AKR1C8: variants seen among roughly 807,000 people sequenced by gnomAD.
The protein encoded by AKR1C8 is aldo-keto reductase family 1 member C8, also known as aldo-keto reductase family 1 member C-like protein 1.
At chr10:5,140,277 C>G in the AKR1C8 span, among the ~76,000 whole-genome samples, 6 of 152,258 alleles carry the variant, frequency 3.9e-5, no homozygotes, top group South Asian at 1.2e-3. Flanking sequence ...TACCATTTGA[C>G]CCAGCGATCC....
chr10:5,141,352 T>C, the AKR1C8 span, among the ~76,000 whole-genome samples: 48 of 152,284 alleles, frequency 3.2e-4, no homozygotes, highest in African/African-American at 1.2e-3. Context: ...TTAACCCCCT[T>C]AAAATCATCC....
the AKR1C8 span, among the ~76,000 whole-genome samples, chr10:5,156,609 C>T: frequency 8.3e-4 from 127 of 152,126 alleles, 1 homozygote; most frequent in African/African-American, 3.0e-3. Flanking sequence ...TATCTACCAA[C>T]ACATTTATCC....
the AKR1C8 span, among the ~76,000 whole-genome samples, chr10:5,135,691 C>A: frequency 2.0e-5 from 3 of 152,014 alleles, no homozygotes; most frequent in Non-Finnish European, 2.9e-5. Context: ...TTTGTTCATG[C>A]CGTGATGATG....
the AKR1C8 span, among the ~76,000 whole-genome samples, chr10:5,142,314 T>C: frequency 2.0e-5 from 3 of 152,248 alleles, no homozygotes; most frequent in Middle Eastern, 6.8e-3. Context: ...TTTCTTCTTA[T>C]CAGTAGTAAA....
chr10:5,176,076 G>A, the AKR1C8 span, among the ~76,000 whole-genome samples: 1 of 151,988 alleles, frequency 6.6e-6, no homozygotes, highest in African/African-American at 2.4e-5. Flanking sequence ...GAATGGTAAT[G>A]CCTAGGTTTT....
the AKR1C8 span, among the ~76,000 whole-genome samples, chr10:5,181,792 C>T: frequency 2.0e-5 from 3 of 152,280 alleles, no homozygotes; most frequent in Admixed American, 1.3e-4. Context: ...ATATTCTTAG[C>T]TACAACTACC....
the AKR1C8 span, among the ~76,000 whole-genome samples, chr10:5,176,971 C>T: frequency 2.0e-5 from 3 of 152,050 alleles, no homozygotes; most frequent in Admixed American, 1.3e-4. Flanking sequence ...CCCTTTATTT[C>T]CTTCTCCTGC....
the AKR1C8 span, among the ~76,000 whole-genome samples, chr10:5,176,854 C>A: frequency 4.6e-5 from 7 of 152,238 alleles, no homozygotes; most frequent in South Asian, 2.1e-4. Flanking sequence ...GCTGAAGTTG[C>A]TTATCAGCTT....
the AKR1C8 span, among the ~76,000 whole-genome samples, chr10:5,152,603 G>A: frequency 6.6e-6 from 1 of 152,218 alleles, no homozygotes; most frequent in Non-Finnish European, 1.5e-5. Context: ...CCGTGGAAAT[G>A]CTGTGGGGAA....
At chr10:5,127,254 CAGAG>C in the AKR1C8 span, among the ~76,000 whole-genome samples, 10 of 151,772 alleles carry the variant, frequency 6.6e-5, no homozygotes, top group East Asian at 1.9e-3. Context: ...AAAAATTTTC[CAGAG>C]AGATAGATAT....
the AKR1C8 span, chr10:5,163,144 T>C: frequency 8.7e-5 from 35 of 402,462 alleles, no homozygotes; most frequent in Non-Finnish European, 2.0e-5. Context: ...TGACACGGGT[T>C]TCAGTGACAG....
chr10:5,155,265 G>T, the AKR1C8 span: 1 of 152,260 alleles, frequency 6.6e-6, no homozygotes, highest in East Asian at 1.9e-4. Context: ...GAGCTGGATG[G>T]AGTCATTATT....
At chr10:5,135,216 T>C in the AKR1C8 span, 1 of 223,230 alleles carries the variant, frequency 4.5e-6, no homozygotes, top group East Asian at 1.2e-4. Context: ...ACACTGATAT[T>C]TGGGATCCAT....
the AKR1C8 span, among the ~76,000 whole-genome samples, chr10:5,171,096 T>C: frequency 6.6e-6 from 1 of 152,144 alleles, no homozygotes; most frequent in East Asian, 1.9e-4. Context: ...CCTGTCCTGT[T>C]TGATATTAAT....
At chr10:5,175,750 G>GT in the AKR1C8 span, among the ~76,000 whole-genome samples, 5 of 152,198 alleles carry the variant, frequency 3.3e-5, no homozygotes, top group East Asian at 1.9e-4. Flanking sequence ...TTTTTCATGT[G>GT]TTTTTTTGGC....
the AKR1C8 span, among the ~76,000 whole-genome samples, chr10:5,116,222 G>A: frequency 1.3e-5 from 2 of 152,014 alleles, no homozygotes; most frequent in African/African-American, 4.8e-5. Context: ...AGCCAACACT[G>A]TACCTCCCTT....
At chr10:5,138,132 A>T in the AKR1C8 span, among the ~76,000 whole-genome samples, 1 of 151,998 alleles carries the variant, frequency 6.6e-6, no homozygotes, top group Admixed American at 6.6e-5. Context: ...GTTCGAAAGC[A>T]GAGAACTGGT....
chr10:5,153,139 A>G, the AKR1C8 span, among the ~76,000 whole-genome samples: 1 of 152,196 alleles, frequency 6.6e-6, no homozygotes, highest in Non-Finnish European at 1.5e-5. Context: ...CTACAAACTC[A>G]GGGATTTTAA....
the AKR1C8 span, among the ~76,000 whole-genome samples, chr10:5,151,599 C>T: frequency 6.7e-6 from 1 of 149,168 alleles, no homozygotes; most frequent in African/African-American, 2.5e-5. Context: ...TTCTGTCACC[C>T]AGGCTGGCAT....
Sources: allele counts gnomAD v4.1 joint callset (sites outside exome capture counted in the v4.1 genomes callset), GRCh38; gene constraint gnomAD v4.1.1; transcripts MANE v1.5; gene names NCBI Gene and HGNC (gene_info 2026-07-23, HGNC 2026-07-21).